JAKMIP1: variants seen among roughly 807,000 people sequenced by gnomAD.
JAKMIP1 encodes the protein janus kinase and microtubule-interacting protein 1.
Under a neutral mutation model 113.0 loss-of-function variants are expected in JAKMIP1, and 33 were observed. The ratio of observed to expected loss-of-function variants is 0.29; its 90% CI spans 0.22 to 0.39. The LOEUF is 0.39. Ranked by LOEUF, JAKMIP1 falls within the 10% of genes least tolerant of loss-of-function variation. The probability of loss-of-function intolerance (pLI) is 1.00; values close to 1 mark genes in which losing one functional copy is unlikely to be tolerated. For synonymous variants in JAKMIP1, 480 were observed against 459.9 expected, an observed-to-expected ratio of 1.04 and a Z score of -0.56; for missense variants, 813 against 1,080.5, an observed-to-expected ratio of 0.75 and a Z score of 3.47.
chr4:6,039,223 C>T (rs556203900), intron 18 of JAKMIP1, among the ~76,000 whole-genome samples: 1 of 152,174 alleles, frequency 6.6e-6, no homozygotes, highest in Non-Finnish European at 1.5e-5. Flanking sequence ...GGTGCTTAGA[C>T]AAAGGAAGGG....
chr4:6,177,109 A>C (rs952917269), intron 1 of JAKMIP1, among the ~76,000 whole-genome samples: 1 of 152,198 alleles, frequency 6.6e-6, no homozygotes, highest in African/African-American at 2.4e-5. Context: ...CCATGCCTAG[A>C]CACCCACTGG....
intron 2 of JAKMIP1, among the ~76,000 whole-genome samples, chr4:6,109,408 C>T (rs1325120077): frequency 1.3e-5 from 2 of 151,978 alleles, no homozygotes; most frequent in African/African-American, 2.4e-5. Flanking sequence ...GCTGAGATTA[C>T]AGGCATGAGC....
intron 16 of JAKMIP1, among the ~76,000 whole-genome samples, chr4:6,048,314 T>C (rs1715246099): frequency 6.6e-6 from 1 of 152,244 alleles, no homozygotes; most frequent in African/African-American, 2.4e-5. Context: ...GGCCCAGTCA[T>C]TCTGCTTCTA....
At chr4:6,117,732 G>T (rs1274205252) in intron 1 of JAKMIP1, among the ~76,000 whole-genome samples, 23 of 151,946 alleles carry the variant, frequency 1.5e-4, no homozygotes, top group Admixed American at 3.3e-4. Flanking sequence ...GCCCCGGGGG[G>T]CCAGTTCAGA....
rs1421977706 is a variant in JAKMIP1 at position 6,156,453 on chromosome 4, A to C, written c.-147-43456T>G. Among the ~76,000 whole-genome samples the C allele has an allele frequency of 6.6e-6, 1 of 152,230 alleles. No homozygotes were observed. Among genetic ancestry groups the C allele is most frequent in the Non-Finnish European group, 1.5e-5 (1 of 68,038 alleles). On this transcript the variant is annotated intron_variant, in intron 1 of 20. Coordinates refer to ENST00000409021, the MANE Select transcript of JAKMIP1 (RefSeq NM_001099433.2). This position sits in a 1 kb window ranked among gnomAD's most constrained non-coding sequence, Gnocchi z 5.0. Reference sequence around the variant, plus strand: ...TAACAGAGTCCAGAATTCTGATTTAAAAGTTTAAATTAGCTGCCAACACAG... The same window carrying C: ...TAACAGAGTCCAGAATTCTGATTTACAAGTTTAAATTAGCTGCCAACACAG...
chr4:6,064,331 A>G lies in JAKMIP1; in HGVS notation c.1431+549T>C, dbSNP rs1020216310. On this transcript the variant is annotated intron_variant, in intron 9 of 20. Transcript: ENST00000409021. The surrounding 1 kb of genome is among the most constrained non-coding windows in gnomAD (Gnocchi z 4.3). ...CCCCCTCACGAATCCACCTTGCTCA[A>G]GAAGCTGGCTATGCACCCAGATGGG... Among the ~76,000 whole-genome samples, 7 of 152,210 alleles carry G rather than the reference A, an allele frequency of 4.6e-5. No homozygotes were observed. The highest frequency in any genetic ancestry group is 1.7e-4 in the African/African-American group (7 of 41,454).
chr4:6,102,820 A>C (rs1323445068), intron 3 of JAKMIP1, among the ~76,000 whole-genome samples: 1 of 118,360 alleles, frequency 8.4e-6, no homozygotes, highest in Non-Finnish European at 1.6e-5. Context: ...TGCAAGCTCC[A>C]CCTCCCAGGT....
chr4:6,190,978 A>T (rs2109059132), intron 1 of JAKMIP1, among the ~76,000 whole-genome samples: 1 of 152,344 alleles, frequency 6.6e-6, no homozygotes, highest in East Asian at 1.9e-4. Flanking sequence ...CTCGGCAATC[A>T]GAGCTGGTGT....
At chr4:6,092,721 T>G (rs542143432) in intron 3 of JAKMIP1, among the ~76,000 whole-genome samples, 1 of 152,312 alleles carries the variant, frequency 6.6e-6, no homozygotes, top group East Asian at 1.9e-4. Context: ...TTTTCAGTGT[T>G]CATGCAGACC....
chr4:6,126,907 TACACACC>T (rs1305842136), intron 1 of JAKMIP1, among the ~76,000 whole-genome samples: 1 of 149,592 alleles, frequency 6.7e-6, no homozygotes, highest in African/African-American at 2.5e-5. Context: ...ACACCACAGA[TACACACC>T]ACACACAAAT....
chr4:6,124,247 A>G (rs1717107958), intron 1 of JAKMIP1, among the ~76,000 whole-genome samples: 1 of 152,210 alleles, frequency 6.6e-6, no homozygotes, highest in South Asian at 2.1e-4. Context: ...ACCTGTGGCC[A>G]GGGCTCCCAA....
At position 6,093,331 on chromosome 4, in the gene JAKMIP1, T is replaced by C. The variant is rs1338298460; in HGVS notation, c.625-7702A>G. ...CGCTTTGCTGCCTGGAATCGTGTCT[T>C]ATTTTTCTCTATAACTCAGTAAATA... On this transcript the variant is annotated intron_variant, in intron 3 of 20. Coordinates refer to ENST00000409021, the MANE Select transcript of JAKMIP1 (RefSeq NM_001099433.2). The surrounding 1 kb of genome is among the most constrained non-coding windows in gnomAD (Gnocchi z 4.6). Among the ~76,000 whole-genome samples the C allele has an allele frequency of 6.6e-6, 1 of 152,186 alleles. No individual in the cohort carries two copies.
intron 1 of JAKMIP1, among the ~76,000 whole-genome samples, chr4:6,172,150 G>A (rs867005192): frequency 3.9e-5 from 6 of 152,322 alleles, no homozygotes; most frequent in Non-Finnish European, 7.3e-5. Flanking sequence ...CTAGGATCCT[G>A]TGATCAGGCC....
At chr4:6,159,040 G>C (rs906920718) in intron 1 of JAKMIP1, among the ~76,000 whole-genome samples, 1 of 150,722 alleles carries the variant, frequency 6.6e-6, no homozygotes, top group African/African-American at 2.4e-5. Context: ...ATTCAGCCAT[G>C]ATGGTGCCAC....
At chr4:6,171,900 T>C (rs528033913) in intron 1 of JAKMIP1, among the ~76,000 whole-genome samples, 1 of 152,352 alleles carries the variant, frequency 6.6e-6, no homozygotes, top group African/African-American at 2.4e-5. Flanking sequence ...AACCTGGTGA[T>C]GTGTATATTC....
At chr4:6,062,499 T>C (rs1244126842) in intron 9 of JAKMIP1, 59 bp from the exon 10 acceptor site, 37 of 1,533,146 alleles carry the variant, frequency 2.4e-5, no homozygotes, top group African/African-American at 4.1e-5. Flanking sequence ...AATAAATGAT[T>C]TATGATTGAT....
chr4:6,054,709 G>A, intron 12 of JAKMIP1: 1 of 456,444 alleles, frequency 2.2e-6, no homozygotes, highest in South Asian at 1.5e-5. Flanking sequence ...ACCCAGCTGG[G>A]AGACGCTGGA....
In JAKMIP1 at chr4:6,115,825, C is replaced by T. The variant is rs188430556; in HGVS notation, c.-147-2828G>A. 2.5e-3 allele frequency among the ~76,000 whole-genome samples: 384 copies of T among 152,320 alleles called. 1 individual carries two copies. Among genetic ancestry groups the T allele is most frequent in the African/African-American group, 8.8e-3 (365 of 41,560 alleles). ...ACATCCACAGGAGCAGCCCACCGGC[C>T]TCGCAGGCAGGATGGGGCGGCTGCA... On this transcript the variant is annotated intron_variant, in intron 1 of 20. Transcript: ENST00000409021.
intron 3 of JAKMIP1, among the ~76,000 whole-genome samples, chr4:6,087,078 C>G (rs1315238857): frequency 6.6e-6 from 1 of 152,234 alleles, no homozygotes; most frequent in African/African-American, 2.4e-5. Flanking sequence ...TGCAAGGAAA[C>G]AGATGCAAAG....
Sources: allele counts gnomAD v4.1 joint callset (sites outside exome capture counted in the v4.1 genomes callset), GRCh38; gene constraint gnomAD v4.1.1; non-coding constraint Gnocchi (gnomAD v3.1); transcripts MANE v1.5; gene names NCBI Gene and HGNC (gene_info 2026-07-23, HGNC 2026-07-21).